Variants in GPR158 observed in about 807,000 individuals in gnomAD.
The protein encoded by GPR158 is metabotropic glycine receptor.
In GPR158, 30 loss-of-function variants were observed where a neutral mutation model predicts 78.2. The observed-to-expected ratio is 0.38, with a 90% CI of 0.29 to 0.52. The LOEUF is 0.52. Ranked by LOEUF, GPR158 falls within the 20% of genes least tolerant of loss-of-function variation. The probability of loss-of-function intolerance (pLI) is 0.83; values close to 1 mark genes in which losing one functional copy is unlikely to be tolerated. For synonymous variants in GPR158, 581 were observed against 591.1 expected, an observed-to-expected ratio of 0.98 and a Z score of 0.25; for missense variants, 1,463 against 1,523.5, an observed-to-expected ratio of 0.96 and a Z score of 0.66.
chr10:25,352,019 C>G (rs1855480472), intron 2 of GPR158, among the ~76,000 whole-genome samples: 1 of 100,342 alleles, frequency 1.0e-5, no homozygotes, highest in South Asian at 3.1e-4. Context: ...TGCATAGCCA[C>G]TACCCAGAAC....
chr10:25,567,700 C>A (rs960526489), intron 6 of GPR158, among the ~76,000 whole-genome samples: 2 of 152,110 alleles, frequency 1.3e-5, no homozygotes, highest in Non-Finnish European at 2.9e-5. Context: ...GAGAGATGCA[C>A]CTGCAGAGGT....
chr10:25,390,870 C>T (rs1238313469), intron 2 of GPR158, among the ~76,000 whole-genome samples: 1 of 152,226 alleles, frequency 6.6e-6, no homozygotes, highest in Non-Finnish European at 1.5e-5. Flanking sequence ...TCATGGCAGT[C>T]CCTCCCATCA....
intron 2 of GPR158, among the ~76,000 whole-genome samples, chr10:25,241,161 CTTTCTTTCTTTCTT>C (rs1355687567): frequency 8.2e-6 from 1 of 122,084 alleles, no homozygotes; most frequent in Non-Finnish European, 1.6e-5. Flanking sequence ...TTCTTTCTTT[CTTTCTTTCTTTCTT>C]TCTTTCTTTC....
At chr10:25,338,547 A>ATT (rs370543571) in intron 2 of GPR158, among the ~76,000 whole-genome samples, 13 of 58,386 alleles carry the variant, frequency 2.2e-4, no homozygotes, top group South Asian at 6.0e-4. Context: ...ATATATACGT[A>ATT]ATATATAATA....
intron 4 of GPR158, among the ~76,000 whole-genome samples, chr10:25,426,993 A>AT (rs57243250): frequency 6.6e-6 from 1 of 151,612 alleles, no homozygotes; most frequent in Non-Finnish European, 1.5e-5. Flanking sequence ...TAGTTTTAAT[A>AT]TTTTTTTGCT....
intron 2 of GPR158, among the ~76,000 whole-genome samples, chr10:25,295,079 C>G (rs1340770384): frequency 1.3e-5 from 2 of 152,160 alleles, no homozygotes; most frequent in African/African-American, 2.4e-5. Flanking sequence ...TGTCCCTTTC[C>G]CTAGTCTGCC....
chr10:25,275,948 G>A (rs1344117079), intron 2 of GPR158, among the ~76,000 whole-genome samples: 1 of 152,154 alleles, frequency 6.6e-6, no homozygotes, highest in Non-Finnish European at 1.5e-5. Flanking sequence ...ACTTATTTAT[G>A]TGAGGAGAAA....
intron 2 of GPR158, among the ~76,000 whole-genome samples, chr10:25,319,120 G>T (rs1308333177): frequency 6.6e-6 from 1 of 152,160 alleles, no homozygotes. Flanking sequence ...GTGCACCAGG[G>T]TCTCTGGGTC....
At chr10:25,289,018 A>C (rs1854394774) in intron 2 of GPR158, among the ~76,000 whole-genome samples, 1 of 152,356 alleles carries the variant, frequency 6.6e-6, no homozygotes, top group East Asian at 1.9e-4. Context: ...GAGGGACAGA[A>C]GTCAGAAAAC....
chr10:25,555,817 T>G (rs1015144989), intron 6 of GPR158, among the ~76,000 whole-genome samples: 1 of 152,174 alleles, frequency 6.6e-6, no homozygotes, highest in Non-Finnish European at 1.5e-5. Flanking sequence ...AAAAGCTATC[T>G]TCTGGCTCTG....
rs1184357658 is a variant in GPR158, at chr10:25,175,543, G to C, written c.123G>C (p.Lys41Asn). 1 of 1,611,832 alleles carries C rather than the reference G, an allele frequency of 6.2e-7. No homozygotes were observed. Among genetic ancestry groups the C allele is most frequent in the Non-Finnish European group, 8.5e-7 (1 of 1,179,856 alleles). Reference protein sequence around the residue: ...RPDSPRERTPKGKPHAQQPGR... With the variant: ...RPDSPRERTPNGKPHAQQPGR... ...ATTCCCCTCGAGAGAGGACCCCGAA[G>C]GGGAAGCCGCACGCCCAGCAGCCGG... The change falls in exon 1 of 11, where the codon AAG becomes AAC. Residue 41 changes from lysine to asparagine, a missense_variant. Lys to Asn is a moderately conservative substitution (Grantham distance 94). Transcript: ENST00000376351. The surrounding 1 kb of genome is among the most constrained non-coding windows in gnomAD (Gnocchi z 6.4).
chr10:25,305,439 C>T (rs1285896790), intron 2 of GPR158, among the ~76,000 whole-genome samples: 2 of 152,090 alleles, frequency 1.3e-5, no homozygotes, highest in African/African-American at 4.8e-5. Flanking sequence ...CATACATAGG[C>T]CAACAGATAA....
chr10:25,322,410 A>G (rs185504520), intron 2 of GPR158, among the ~76,000 whole-genome samples: 1 of 152,232 alleles, frequency 6.6e-6, no homozygotes, highest in Non-Finnish European at 1.5e-5. Flanking sequence ...AAGAAAAATC[A>G]CAGATACTTG....
intron 4 of GPR158, among the ~76,000 whole-genome samples, chr10:25,413,413 G>A (rs1415776137): frequency 6.6e-6 from 1 of 152,136 alleles, no homozygotes; most frequent in Non-Finnish European, 1.5e-5. Flanking sequence ...GCAGGACAAA[G>A]CTTTTGGGGG....
intron 4 of GPR158, among the ~76,000 whole-genome samples, chr10:25,418,140 T>G (rs905693231): frequency 6.6e-6 from 1 of 152,144 alleles, no homozygotes; most frequent in Non-Finnish European, 1.5e-5. Context: ...AAATGAAATA[T>G]TAGGTGATCA....
At chr10:25,561,908 C>T (rs1030206622) in intron 6 of GPR158, among the ~76,000 whole-genome samples, 5 of 152,062 alleles carry the variant, frequency 3.3e-5, no homozygotes, top group African/African-American at 1.2e-4. Context: ...TAGTGCAGAA[C>T]CCAGGTTTTA....
chr10:25,523,309 A>G (rs1836302694), intron 5 of GPR158, among the ~76,000 whole-genome samples: 1 of 152,212 alleles, frequency 6.6e-6, no homozygotes, highest in Non-Finnish European at 1.5e-5. Context: ...AAACATCTTT[A>G]AGGTCCTCTG....
intron 4 of GPR158, among the ~76,000 whole-genome samples, chr10:25,414,751 G>A (rs1325583323): frequency 2.0e-5 from 3 of 152,096 alleles, no homozygotes; most frequent in African/African-American, 7.2e-5. Flanking sequence ...TTCTTTCGGA[G>A]TTTCCTATTA....
chr10:25,175,380 TC>T lies in GPR158; in HGVS notation c.-33del, dbSNP rs55717617. 110,385 of 1,231,726 alleles carry T rather than the reference TC, an allele frequency of 0.09. 7,531 individuals carry two copies. The highest frequency in any genetic ancestry group is 0.36 in the East Asian group (15,216 of 42,312). 76.3% of individuals were successfully genotyped at this position (1,231,726 alleles called of 1,614,324 possible). On this transcript the variant is annotated 5_prime_UTR_variant, in exon 1 of 11. Coordinates refer to ENST00000376351, the MANE Select transcript of GPR158 (RefSeq NM_020752.3). The surrounding 1 kb of genome is among the most constrained non-coding windows in gnomAD (Gnocchi z 6.4). ...TGACGATCCAAATTTAAAAAGTGAT[TC>T]CCCCCCCTCCCGTTCCCTCCTCTTC...
Sources: gnomAD v4.1 joint callset for allele counts (sites outside exome capture counted in the v4.1 genomes callset) on GRCh38, gnomAD v4.1.1 for gene constraint, Gnocchi (gnomAD v3.1) non-coding constraint, MANE v1.5 for transcripts, NCBI Gene and HGNC (gene_info 2026-07-23, HGNC 2026-07-21) for gene names.